AGAP5: variants seen among roughly 807,000 people sequenced by gnomAD.
AGAP5 encodes the protein ArfGAP with GTPase domain, ankyrin repeat and PH domain 5.
A neutral mutation model predicts 27.7 loss-of-function variants in AGAP5; 8 were observed. The observed-to-expected ratio is 0.29, with a 90% confidence interval of 0.17 to 0.52. The LOEUF (loss-of-function observed/expected upper bound fraction) is 0.52. Ranked by LOEUF, AGAP5 falls within the 20% of genes least tolerant of loss-of-function variation. The pLI is 0.97. For missense variants in AGAP5, 285 were observed against 880.8 expected, an observed-to-expected ratio of 0.32 and a Z score of 8.56; for synonymous variants, 111 against 338.0, an observed-to-expected ratio of 0.33 and a Z score of 7.37.
At position 73,674,561 on chromosome 10, in the gene AGAP5, T is replaced by G; in HGVS notation, c.*38A>C. The stretch of plus-strand genomic sequence containing the variant: ...GTTATCCTTATTTTTCCCATTTTGT[T>G]TTTGCACCAAGGAGACTGCAGTCAA... On this transcript the variant is annotated 3_prime_UTR_variant, in exon 8 of 8. Transcript: ENST00000374094. The G allele has an allele frequency of 6.3e-7, 1 of 1,589,480 alleles. No individual in the cohort carries two copies. The highest frequency in any genetic ancestry group is 8.6e-7 in the Non-Finnish European group (1 of 1,165,212).
At position 73,690,021 on chromosome 10, in the gene AGAP5, C is replaced by T. The variant is rs574095211; in HGVS notation, c.396+2022G>A. ...CCCCCGCCTGGCCAGCCGCCCTGTC[C>T]GGGAGGTGAGGGGCCCCTCTGCCTG... On this transcript the variant is annotated intron_variant, in intron 4 of 7. Coordinates refer to ENST00000374094, the MANE Select transcript of AGAP5 (RefSeq NM_001144000.4). Among the ~76,000 whole-genome samples, 224 of 150,872 alleles carry T rather than the reference C, an allele frequency of 1.5e-3. 1 individual carries two copies. The highest frequency in any genetic ancestry group is 3.2e-3 in the African/African-American group (130 of 41,116).
At chr10:73,687,899 T>C (rs2082078789) in intron 4 of AGAP5, among the ~76,000 whole-genome samples, 1 of 152,098 alleles carries the variant, frequency 6.6e-6, no homozygotes, top group African/African-American at 2.4e-5. Flanking sequence ...GAAACACAAC[T>C]TTGGTGCCTA....
At chr10:73,694,845 T>C (rs779368454) in intron 2 of AGAP5, 41 bp from the exon 3 acceptor site, 34 of 1,597,132 alleles carry the variant, frequency 2.1e-5, no homozygotes, top group Non-Finnish European at 2.7e-5. Flanking sequence ...GATGTAATCA[T>C]TGATAAAAAT....
chr10:73,691,377 C>T lies in AGAP5; in HGVS notation c.396+666G>A, dbSNP rs1247599725. Among the ~76,000 whole-genome samples the T allele has an allele frequency of 2.6e-5, 4 of 151,870 alleles. No homozygotes were observed. In the East Asian group the frequency reaches 5.8e-4, roughly 22 times the overall value. ...GGAGAAACATAAGATCATGGTGTAG[C>T]GGGGAAGGTATGCTTTTACCTGCTG... is the stretch of plus-strand genomic sequence containing the variant. On this transcript the variant is annotated intron_variant, in intron 4 of 7. Coordinates refer to ENST00000374094, the MANE Select transcript of AGAP5 (RefSeq NM_001144000.4).
chr10:73,689,887 GC>G lies in AGAP5; in HGVS notation c.396+2155del, dbSNP rs574735419. Among the ~76,000 whole-genome samples, 628 of 149,648 alleles carry G rather than the reference GC, an allele frequency of 4.2e-3. 2 individuals carry two copies. The highest frequency in any genetic ancestry group is 0.015 in the African/African-American group (592 of 40,368). ...GGGTCAGCCCCCCGCCCGGCCAGCC[GC>G]CCCGTCCGGGAGGTGAGGGGCGCCT... On this transcript the variant is annotated intron_variant, in intron 4 of 7. Coordinates refer to ENST00000374094, the MANE Select transcript of AGAP5 (RefSeq NM_001144000.4).
intron 4 of AGAP5, among the ~76,000 whole-genome samples, chr10:73,687,237 T>C (rs887146401): frequency 1.3e-5 from 2 of 152,270 alleles, no homozygotes; most frequent in African/African-American, 4.8e-5. Flanking sequence ...ATTTTATATA[T>C]GTTTTTAAAG....
At position 73,674,591 on chromosome 10, in the gene AGAP5, A is replaced by G. The variant is rs1315500036; in HGVS notation, c.*8T>C. 6.2e-7 allele frequency: 1 copy of G among 1,608,284 alleles called. No individual in the cohort carries two copies. The highest frequency in any genetic ancestry group is 8.5e-7 in the Non-Finnish European group (1 of 1,176,772). On this transcript the variant is annotated 3_prime_UTR_variant, in exon 8 of 8. Transcript: ENST00000374094. ...CACCAAGGAGACTGCAGTCAAATAAAACAGATACTACACGCACTCGTCGGG... is the reference window on the plus strand; with the variant it reads ...CACCAAGGAGACTGCAGTCAAATAAGACAGATACTACACGCACTCGTCGGG...
At chr10:73,695,046 C>T (rs187417691) in intron 2 of AGAP5, among the ~76,000 whole-genome samples, 2,979 of 146,814 alleles carry the variant, frequency 0.02, 68 homozygotes, top group Middle Eastern at 0.026. Flanking sequence ...GAGGCCAGCA[C>T]GAGTAACACA....
intron 6 of AGAP5, among the ~76,000 whole-genome samples, chr10:73,677,006 T>G (rs1005136557): frequency 2.0e-5 from 3 of 152,166 alleles, no homozygotes; most frequent in Non-Finnish European, 4.4e-5. Context: ...CCCATGAATA[T>G]TGACTCTCCC....
chr10:73,689,857 G>T (rs2082100381), intron 4 of AGAP5, among the ~76,000 whole-genome samples: 1 of 147,276 alleles, frequency 6.8e-6, no homozygotes. Flanking sequence ...GGAGGGAGGT[G>T]GGGGGGGTCA....
rs1565000955 is a variant in AGAP5, at chr10:73,674,821, C to T, written c.1839G>A (p.Glu613=). 1 of 1,611,618 alleles carries T rather than the reference C, an allele frequency of 6.2e-7. No individual in the cohort carries two copies. The highest frequency in any genetic ancestry group is 8.5e-7 in the Non-Finnish European group (1 of 1,179,730). Reference sequence around the variant, plus strand: ...CCTCCCCACAGGTCTCGTTCACCTCCTCACGGGAGCCATGTGCCAGCAGCA... The same window carrying T: ...CCTCCCCACAGGTCTCGTTCACCTCTTCACGGGAGCCATGTGCCAGCAGCA... ...AILLLAHGSR[E]EVNETCGEGD... The change falls in exon 8 of 8, where the codon GAG becomes GAA. Residue 613 remains glutamate (E), a synonymous_variant. Coordinates refer to ENST00000374094, the MANE Select transcript of AGAP5 (RefSeq NM_001144000.4).
chr10:73,679,461 C>T (rs1352470077), intron 6 of AGAP5, among the ~76,000 whole-genome samples: 1 of 151,988 alleles, frequency 6.6e-6, no homozygotes, highest in Non-Finnish European at 1.5e-5. Context: ...TGTGCCCAGC[C>T]TCATATTGCT....
At chr10:73,695,439 C>A (rs1160149247) in intron 2 of AGAP5, among the ~76,000 whole-genome samples, 2 of 152,134 alleles carry the variant, frequency 1.3e-5, no homozygotes, top group African/African-American at 4.8e-5. Context: ...TAAAGAATGA[C>A]AATAAAGAGC....
At position 73,694,924 on chromosome 10, in the gene AGAP5, T is replaced by A. The variant is rs2082148825; in HGVS notation, c.293-120A>T. 5 of 1,559,784 alleles carry A rather than the reference T, an allele frequency of 3.2e-6. No individual in the cohort carries two copies. The Admixed American group carries it at 8.9e-5, about 28-fold the overall frequency. Reference sequence around the variant, plus strand: ...TATCTCTACTTTGATTCTTATACATTGAAATGAATGTATAGACATAAGATA... The same window carrying A: ...TATCTCTACTTTGATTCTTATACATAGAAATGAATGTATAGACATAAGATA... On this transcript the variant is annotated intron_variant, in intron 2 of 7. Coordinates refer to ENST00000374094, the MANE Select transcript of AGAP5 (RefSeq NM_001144000.4).
intron 4 of AGAP5, among the ~76,000 whole-genome samples, chr10:73,685,671 G>A (rs1395152525): frequency 6.6e-6 from 1 of 151,634 alleles, no homozygotes; most frequent in Non-Finnish European, 1.5e-5. Context: ...TCCTGCCTCA[G>A]CCACCAGAGT....
At chr10:73,689,749 T>C (rs11000745) in intron 4 of AGAP5, among the ~76,000 whole-genome samples, 102,126 of 148,644 alleles carry the variant, frequency 0.69, 35,941 homozygotes, top group Middle Eastern at 0.84. Context: ...CCCCTCCGCC[T>C]GGCAGCGCCC....
intron 3 of AGAP5, among the ~76,000 whole-genome samples, chr10:73,694,276 G>A (rs758941374): frequency 2.6e-4 from 39 of 152,194 alleles, no homozygotes; most frequent in Non-Finnish European, 4.7e-4. Context: ...AGAGGTCTGC[G>A]TAAGAGGAGG....
At chr10:73,694,303 A>G (rs1232165974) in intron 3 of AGAP5, among the ~76,000 whole-genome samples, 2 of 152,232 alleles carry the variant, frequency 1.3e-5, no homozygotes, top group Non-Finnish European at 2.9e-5. Flanking sequence ...TCACAGATTC[A>G]ATCCCTGATG....
chr10:73,688,500 CA>C (rs2082082886), intron 4 of AGAP5, among the ~76,000 whole-genome samples: 1 of 151,242 alleles, frequency 6.6e-6, no homozygotes, highest in Non-Finnish European at 1.5e-5. Flanking sequence ...CAGTCAAAAT[CA>C]GGAGCAAAAC....
Sources: allele counts gnomAD v4.1 joint callset (sites outside exome capture counted in the v4.1 genomes callset), GRCh38; gene constraint gnomAD v4.1.1; transcripts MANE v1.5; gene names NCBI Gene and HGNC (gene_info 2026-07-23, HGNC 2026-07-21).